The following SHMT1 variants were observed in gnomAD, a reference collection of about 807,000 sequenced individuals.
SHMT1 encodes serine hydroxymethyltransferase, cytosolic.
Under a neutral mutation model 49.0 loss-of-function variants are expected in SHMT1, and 45 were observed. The ratio of observed to expected loss-of-function variants is 0.92; its 90% CI spans 0.72 to 1.18. The LOEUF is 1.18. Among genes scored for constraint, SHMT1 ranks in the 50% most tolerant of loss-of-function variants. The pLI, the probability that SHMT1 is intolerant of heterozygous loss-of-function variation, is 0.00. For synonymous variants in SHMT1, 232 were observed against 246.6 expected, an observed-to-expected ratio of 0.94 and a Z score of 0.55; for missense variants, 541 against 612.4, an observed-to-expected ratio of 0.88 and a Z score of 1.23.
Position 18,353,687 on chromosome 17 carries a change from C to T in SHMT1, c.227G>A (p.Gly76Glu). Reference protein sequence around the residue: ...GSCLNNKYSEGYPGQRYYGGT... With the variant: ...GSCLNNKYSEEYPGQRYYGGT... Reference sequence around the variant, plus strand: ...ATTCACATACCTCTGGCCCGGGTACCCCTCAGAGTATTTGTTATTTAAGCA... The same window carrying T: ...ATTCACATACCTCTGGCCCGGGTACTCCTCAGAGTATTTGTTATTTAAGCA... Residue 76 changes from glycine to glutamate, a missense_variant, in exon 3 of 12, where the codon GGG (glycine) becomes GAG (glutamate). By Grantham distance (98) the Gly-to-Glu change is moderately conservative. Coordinates refer to ENST00000316694, the MANE Select transcript of SHMT1 (RefSeq NM_004169.5). The T allele has an allele frequency of 6.2e-7, 1 of 1,614,034 alleles. No homozygotes were observed. The highest frequency in any genetic ancestry group is 8.5e-7 in the Non-Finnish European group (1 of 1,180,010).
At position 18,340,827 on chromosome 17, in the gene SHMT1, G is replaced by T. The variant is rs753581059; in HGVS notation, c.520-14C>A. On this transcript the variant is annotated splice_polypyrimidine_tract_variant and intron_variant, in intron 5 of 11. Coordinates refer to ENST00000316694, the MANE Select transcript of SHMT1 (RefSeq NM_004169.5). The surrounding 1 kb of genome is among the most constrained non-coding windows in gnomAD (Gnocchi z 4.5). Reference sequence around the variant, plus strand: ...ATCTGGGTTCACCTGTGGAATGTCAGGGAGGCAGGTTCAGGCTGCTTCCTC... The same window carrying T: ...ATCTGGGTTCACCTGTGGAATGTCATGGAGGCAGGTTCAGGCTGCTTCCTC... The T allele has an allele frequency of 6.2e-7, 1 of 1,609,666 alleles. No individual in the cohort carries two copies. Among genetic ancestry groups the T allele is most frequent in the Non-Finnish European group, 8.5e-7 (1 of 1,177,552 alleles).
intron 5 of SHMT1, among the ~76,000 whole-genome samples, chr17:18,342,660 G>A (rs1164967823): frequency 6.6e-6 from 1 of 152,048 alleles, no homozygotes; most frequent in Non-Finnish European, 1.5e-5. Context: ...GAACTGCTGG[G>A]CGTGGTGGCT....
At chr17:18,330,799 A>G (rs1373083912) in intron 9 of SHMT1, 128 bp from the exon 10 acceptor site, 3 of 710,540 alleles carry the variant, frequency 4.2e-6, no homozygotes, top group Non-Finnish European at 7.7e-6. Context: ...CCCCCACCAC[A>G]TGGCCTGGGA....
In SHMT1 at chr17:18,347,591, C is replaced by G; in HGVS notation, c.424G>C (p.Asp142His). The G allele has an allele frequency of 6.2e-7, 1 of 1,614,190 alleles. No individual in the cohort carries two copies. Among genetic ancestry groups the G allele is most frequent in the Non-Finnish European group, 8.5e-7 (1 of 1,180,026 alleles). ...GTCAGGTGGCCCCCATCCGGAAGGT[C>G]CAGGCCCATGATGCGCCCATGGGGT... ...VEPHGRIMGL[D>H]LPDGGHLTHG... The change falls in exon 5 of 12, where the codon GAC becomes CAC. Residue 142 changes from aspartate to histidine, a missense_variant. By Grantham distance (81) the Asp-to-His change is moderately conservative. Coordinates refer to ENST00000316694, the MANE Select transcript of SHMT1 (RefSeq NM_004169.5).
intron 3 of SHMT1, among the ~76,000 whole-genome samples, chr17:18,353,072 G>T (rs1036888047): frequency 1.3e-5 from 2 of 152,164 alleles, no homozygotes; most frequent in Non-Finnish European, 2.9e-5. Flanking sequence ...TTCTCCAAGG[G>T]TGACCTTTCT....
chr17:18,359,837 T>C (rs1036744433), intron 1 of SHMT1, among the ~76,000 whole-genome samples: 1 of 151,672 alleles, frequency 6.6e-6, no homozygotes, highest in Non-Finnish European at 1.5e-5. Flanking sequence ...TTCCAGCTAC[T>C]CAGGAGGCTG....
At chr17:18,363,325 T>A (rs1400921084) in intron 1 of SHMT1, 47 bp downstream of exon 1, 4 of 152,254 alleles carry the variant, frequency 2.6e-5, no homozygotes, top group Non-Finnish European at 4.4e-5. Context: ...GCCGCGGCCC[T>A]CGGACCCGAA....
intron 3 of SHMT1, 91 bp from the exon 4 acceptor site, chr17:18,348,531 A>T (rs780784952): frequency 2.3e-6 from 2 of 884,206 alleles, no homozygotes; most frequent in East Asian, 4.9e-5. Context: ...TGGGACAGTG[A>T]AACTAAAGTG....
chr17:18,337,602 C>T (rs1291232471), intron 7 of SHMT1, among the ~76,000 whole-genome samples: 20 of 148,134 alleles, frequency 1.4e-4, no homozygotes, highest in Non-Finnish European at 2.4e-4. Flanking sequence ...TCCCTTTCCA[C>T]GGTCTCCCTC....
At chr17:18,342,927 CTCTG>C (rs543837946) in intron 5 of SHMT1, among the ~76,000 whole-genome samples, 147 of 150,206 alleles carry the variant, frequency 9.8e-4, no homozygotes, top group African/African-American at 3.5e-3. Context: ...CAAAGTGAGA[CTCTG>C]TCTCAAAAAA....
In SHMT1 at chr17:18,330,665, G is replaced by C; in HGVS notation, c.1061C>G (p.Ser354Cys). 7 of 1,609,942 alleles carry C rather than the reference G, an allele frequency of 4.3e-6. No homozygotes were observed. Among genetic ancestry groups the C allele is most frequent in the Non-Finnish European group, 6.0e-6 (7 of 1,176,206 alleles). Residue 354 changes from serine to cysteine, a missense_variant, in exon 10 of 12, where the codon TCT becomes TGT. By Grantham distance (112) the Ser-to-Cys change is moderately radical. Coordinates refer to ENST00000316694, the MANE Select transcript of SHMT1 (RefSeq NM_004169.5). The part of the protein sequence containing the change: ...ELGYKIVTGG[S>C]DNHLILVDLR... ...ATCCACAAGGATCAAATGGTTGTCA[G>C]AACCACCTGGAAACAAAGTTGGACA...
In SHMT1 at chr17:18,332,949, T is replaced by C. The variant is rs1360159400; in HGVS notation, c.1054+217A>G. The C allele has an allele frequency of 4.6e-6, 3 of 645,434 alleles. No homozygotes were observed. The Admixed American group carries it at 6.3e-5, about 14-fold the overall frequency. The allele number at this position is 645,434 out of a possible 1,614,324, so 40.0% of individuals were successfully genotyped here. A position where few individuals can be genotyped will look rare whatever the true frequency, so the allele number is the denominator to read the frequency against. ...TATGCTGGTGACCAATGGCAACCAC[T>C]ATTCCCATCATCTGTGGCTCACCCA... On this transcript the variant is annotated intron_variant, in intron 9 of 11. Coordinates refer to ENST00000316694, the MANE Select transcript of SHMT1 (RefSeq NM_004169.5).
Position 18,340,979 on chromosome 17 carries a change from C to G in SHMT1, c.520-166G>C, listed in dbSNP as rs9904323. The G allele has an allele frequency of 0.014, 9,455 of 658,228 alleles. 322 individuals are homozygous for G. The highest frequency in any genetic ancestry group is 0.099 in the African/African-American group (5,582 of 56,580). 40.8% of individuals were successfully genotyped at this position (658,228 alleles called of 1,614,324 possible). A position where few individuals can be genotyped will look rare whatever the true frequency, so the allele number is the denominator to read the frequency against. ...TACTGGTGTGTTCAGCCTGCTCAAC[C>G]AAGTATGGCTCACAGACCCAGGAGT... On this transcript the variant is annotated intron_variant, in intron 5 of 11. Transcript: ENST00000316694. This position sits in a 1 kb window ranked among gnomAD's most constrained non-coding sequence, Gnocchi z 4.5.
At chr17:18,354,550 C>G (rs1410089575) in intron 2 of SHMT1, among the ~76,000 whole-genome samples, 3 of 152,116 alleles carry the variant, frequency 2.0e-5, no homozygotes, top group Non-Finnish European at 2.9e-5. Context: ...GAGCCGAGAT[C>G]GCGCCATCGC....
At chr17:18,335,818 G>T in intron 7 of SHMT1, 143 bp from the exon 8 acceptor site, 1 of 730,204 alleles carries the variant, frequency 1.4e-6, no homozygotes. Context: ...GTAACACAGC[G>T]GAGCAGAGGG....
intron 1 of SHMT1, among the ~76,000 whole-genome samples, chr17:18,361,289 A>G (rs1417554673): frequency 1.6e-5 from 2 of 126,882 alleles, no homozygotes; most frequent in Non-Finnish European, 3.2e-5. Flanking sequence ...ACAGAGCAAG[A>G]CTCTGTCTCA....
At chr17:18,337,581 CG>C (rs891225362) in intron 7 of SHMT1, among the ~76,000 whole-genome samples, 1 of 131,280 alleles carries the variant, frequency 7.6e-6, no homozygotes, top group African/African-American at 2.7e-5. Flanking sequence ...CCTCTCCCCA[CG>C]GTCTCCCTCT....
intron 1 of SHMT1, among the ~76,000 whole-genome samples, chr17:18,360,198 G>A (rs1381898078): frequency 2.6e-5 from 4 of 151,862 alleles, no homozygotes; most frequent in Non-Finnish European, 4.4e-5. Flanking sequence ...GCAGTGAGCC[G>A]AGATCATACC....
At chr17:18,339,059 A>C (rs899897099) in intron 7 of SHMT1, among the ~76,000 whole-genome samples, 1 of 146,984 alleles carries the variant, frequency 6.8e-6, no homozygotes, top group Non-Finnish European at 1.5e-5. Context: ...TAAAAAAAAA[A>C]AAAAAAAAAA....
Sources: gnomAD v4.1 joint callset for allele counts (sites outside exome capture counted in the v4.1 genomes callset) on GRCh38, gnomAD v4.1.1 for gene constraint, Gnocchi (gnomAD v3.1) non-coding constraint, MANE v1.5 for transcripts, NCBI Gene and HGNC (gene_info 2026-07-23, HGNC 2026-07-21) for gene names.